ERBB4: variants seen among roughly 807,000 people sequenced by gnomAD.
ERBB4 encodes erb-b2 receptor tyrosine kinase 4, also known as receptor tyrosine-protein kinase erbB-4.
Under a neutral mutation model 158.0 loss-of-function variants are expected in ERBB4, and 42 were observed. That is an observed-to-expected ratio of 0.27 (90% CI 0.21 to 0.34). The LOEUF (loss-of-function observed/expected upper bound fraction) is 0.34. Among genes scored for constraint, ERBB4 ranks in the 10% least tolerant of loss-of-function variants. The pLI is 1.00. For missense variants in ERBB4, 1,333 were observed against 1,624.1 expected, an observed-to-expected ratio of 0.82 and a Z score of 3.08; for synonymous variants, 583 against 558.7, an observed-to-expected ratio of 1.04 and a Z score of -0.61.
chr2:211,565,641 G>A (rs1257668325), intron 19 of ERBB4, among the ~76,000 whole-genome samples: 3 of 152,070 alleles, frequency 2.0e-5, no homozygotes, highest in Admixed American at 6.6e-5. Flanking sequence ...CTATTTTACC[G>A]CTGTTGAGTT....
chr2:211,754,129 G>A (rs560908295), intron 4 of ERBB4, among the ~76,000 whole-genome samples: 5 of 152,074 alleles, frequency 3.3e-5, no homozygotes, highest in Admixed American at 3.3e-4. Flanking sequence ...CAAAGTGCTG[G>A]GATTACAGGC....
At chr2:212,061,945 G>C (rs12990998) in intron 2 of ERBB4, among the ~76,000 whole-genome samples, 72 of 151,898 alleles carry the variant, frequency 4.7e-4, no homozygotes, top group African/African-American at 1.7e-3. Context: ...ATGTTGGTCA[G>C]ACTGGTCTTG....
At chr2:211,740,035 CCT>C (rs981860786) in intron 5 of ERBB4, among the ~76,000 whole-genome samples, 1 of 152,112 alleles carries the variant, frequency 6.6e-6, no homozygotes, top group African/African-American at 2.4e-5. Flanking sequence ...GTTCCCTCAT[CCT>C]CTCTGTTTTC....
At chr2:211,931,408 ATTTTT>A (rs2080171863) in intron 3 of ERBB4, among the ~76,000 whole-genome samples, 1 of 151,998 alleles carries the variant, frequency 6.6e-6, no homozygotes, top group South Asian at 2.1e-4. Flanking sequence ...ATAGAGTTGC[ATTTTT>A]TAATTAAATG....
chr2:212,211,291 T>C (rs911284667), intron 1 of ERBB4, among the ~76,000 whole-genome samples: 1 of 152,070 alleles, frequency 6.6e-6, no homozygotes, highest in African/African-American at 2.4e-5. Flanking sequence ...GAAAACACTT[T>C]CTGGAGAGAA....
chr2:211,740,622 C>CTTTTTTTTTTTTTTTTTTTTTTTTTTT (rs1169540948), intron 5 of ERBB4, among the ~76,000 whole-genome samples: 1 of 90,174 alleles, frequency 1.1e-5, no homozygotes, highest in Non-Finnish European at 2.0e-5. Flanking sequence ...TTTTCTTTGT[C>CTTTTTTTTTTTTTTTTTTTTTTTTTTT]TTTTTTTTTT....
chr2:212,206,594 T>A, intron 1 of ERBB4, among the ~76,000 whole-genome samples: 1 of 53,906 alleles, frequency 1.9e-5, no homozygotes, highest in East Asian at 2.8e-3. Context: ...CTGTTCTTTT[T>A]TTTTTTTTTT....
chr2:211,798,999 C>G (rs1036162234), intron 3 of ERBB4, among the ~76,000 whole-genome samples: 3 of 152,070 alleles, frequency 2.0e-5, no homozygotes, highest in African/African-American at 7.2e-5. Flanking sequence ...AGATTTCCCT[C>G]TGTTTGGATC....
intron 1 of ERBB4, among the ~76,000 whole-genome samples, chr2:212,396,550 C>T (rs1358320370): frequency 6.6e-6 from 1 of 151,990 alleles, no homozygotes; most frequent in Non-Finnish European, 1.5e-5. Flanking sequence ...GAATTTAATG[C>T]CCCAGATATA....
chr2:211,440,805 C>T (rs958301361), intron 20 of ERBB4, among the ~76,000 whole-genome samples: 3 of 152,126 alleles, frequency 2.0e-5, no homozygotes, highest in Non-Finnish European at 2.9e-5. Flanking sequence ...AGTGTCTTTG[C>T]ATTAAAAATG....
At chr2:212,248,906 C>G (rs1030089524) in intron 1 of ERBB4, among the ~76,000 whole-genome samples, 1 of 152,068 alleles carries the variant, frequency 6.6e-6, no homozygotes, top group African/African-American at 2.4e-5. Context: ...CTATTAAATA[C>G]ATTTCTATTT....
intron 2 of ERBB4, among the ~76,000 whole-genome samples, chr2:212,056,534 T>C (rs533695122): frequency 7.2e-4 from 109 of 152,228 alleles, no homozygotes; most frequent in Non-Finnish European, 1.3e-3. Flanking sequence ...GAGAGAAAGG[T>C]CGGGTTACCC....
chr2:211,636,749 G>T (rs1245308357), intron 16 of ERBB4, among the ~76,000 whole-genome samples: 2 of 151,670 alleles, frequency 1.3e-5, no homozygotes, highest in Non-Finnish European at 3.0e-5. Flanking sequence ...GGGTATGTGT[G>T]TATGTGTATA....
intron 3 of ERBB4, among the ~76,000 whole-genome samples, chr2:211,869,597 G>T (rs919985343): frequency 6.6e-6 from 1 of 151,974 alleles, no homozygotes; most frequent in Non-Finnish European, 1.5e-5. Context: ...CTATTTCCTG[G>T]CATATAAGAA....
chr2:211,695,651 A>G (rs2072989368), intron 12 of ERBB4, among the ~76,000 whole-genome samples: 1 of 152,132 alleles, frequency 6.6e-6, no homozygotes, highest in Admixed American at 6.5e-5. Flanking sequence ...TAACATAATA[A>G]CTAATATTCC....
chr2:212,222,431 C>A (rs1202323558), intron 1 of ERBB4, among the ~76,000 whole-genome samples: 1 of 151,528 alleles, frequency 6.6e-6, no homozygotes, highest in Non-Finnish European at 1.5e-5. Context: ...GAAATCAACT[C>A]ACTCCAGTCT....
chr2:211,945,060 T>C (rs2080642159), intron 3 of ERBB4, among the ~76,000 whole-genome samples: 5 of 152,216 alleles, frequency 3.3e-5, no homozygotes, highest in Middle Eastern at 3.4e-3. Context: ...AAGCAAGCAA[T>C]ATAAAACAAA....
intron 12 of ERBB4, among the ~76,000 whole-genome samples, chr2:211,689,384 A>C (rs1457358168): frequency 6.6e-6 from 1 of 152,066 alleles, no homozygotes; most frequent in Non-Finnish European, 1.5e-5. Flanking sequence ...GTTTTTGTAG[A>C]GATGGAGTTT....
intron 27 of ERBB4, 32 bp downstream of exon 27, chr2:211,386,821 A>T (rs2062693771): frequency 6.2e-7 from 1 of 1,610,074 alleles, no homozygotes; most frequent in South Asian, 1.1e-5. Flanking sequence ...TGAACTTCGA[A>T]TGGCGATCGT....
Sources: gnomAD v4.1 joint callset for allele counts (sites outside exome capture counted in the v4.1 genomes callset) on GRCh38, gnomAD v4.1.1 for gene constraint, MANE v1.5 for transcripts, NCBI Gene and HGNC (gene_info 2026-07-23, HGNC 2026-07-21) for gene names.